Variants in NPFFR2 observed in about 807,000 individuals in gnomAD.
NPFFR2 encodes the protein neuropeptide FF receptor 2, also known as G-protein coupled receptor 74.
A neutral mutation model predicts 13.1 loss-of-function variants in NPFFR2; 15 were observed. The observed-to-expected ratio is 1.15, with a 90% CI of 0.77 to 1.76. The LOEUF (loss-of-function observed/expected upper bound fraction) is 1.76. NPFFR2 is among the 40% of genes most tolerant of loss of function. NPFFR2 has a pLI of 0.00. For synonymous variants in NPFFR2, 190 were observed against 175.7 expected (o/e 1.08, Z -0.65); for missense variants, 572 against 503.5 (o/e 1.14, Z -1.30).
chr4:72,045,464 T>G (rs1476141196), intron 1 of NPFFR2, among the ~76,000 whole-genome samples: 1 of 152,224 alleles, frequency 6.6e-6, no homozygotes, highest in Non-Finnish European at 1.5e-5. Context: ...AATAGTGTGA[T>G]ACTTTTGCCT....
At chr4:72,040,690 A>G (rs1719183171) in intron 1 of NPFFR2, among the ~76,000 whole-genome samples, 1 of 152,044 alleles carries the variant, frequency 6.6e-6, no homozygotes, top group Admixed American at 6.6e-5. Context: ...TTTTTACCAA[A>G]CGAACTGTTT....
At chr4:72,035,442 G>C (rs1249180384) in intron 1 of NPFFR2, among the ~76,000 whole-genome samples, 1 of 152,228 alleles carries the variant, frequency 6.6e-6, no homozygotes, top group Non-Finnish European at 1.5e-5. Flanking sequence ...GGAAAAGAGA[G>C]GGCCAGAGCC....
At chr4:72,146,952 T>G (rs1218362786) in intron 3 of NPFFR2, 26 bp from the exon 4 acceptor site, 1 of 1,504,336 alleles carries the variant, frequency 6.6e-7, no homozygotes, top group Non-Finnish European at 9.2e-7. Context: ...AAGCAGTGCC[T>G]CATTTATATT....
At chr4:72,081,856 T>C (rs1720633646) in intron 1 of NPFFR2, among the ~76,000 whole-genome samples, 1 of 152,088 alleles carries the variant, frequency 6.6e-6, no homozygotes, top group Non-Finnish European at 1.5e-5. Flanking sequence ...AGGTTTAGAG[T>C]CCAGTGAACA....
chr4:72,062,344 A>T (rs1451447981), intron 1 of NPFFR2, among the ~76,000 whole-genome samples: 1 of 152,164 alleles, frequency 6.6e-6, no homozygotes, highest in African/African-American at 2.4e-5. Context: ...GTCCATAAAT[A>T]ATTAAGATGC....
chr4:72,142,888 G>A (rs912328622), intron 3 of NPFFR2, among the ~76,000 whole-genome samples: 2 of 152,182 alleles, frequency 1.3e-5, no homozygotes, highest in Non-Finnish European at 2.9e-5. Flanking sequence ...CCTCAGGAAG[G>A]CTACAATCTG....
intron 1 of NPFFR2, among the ~76,000 whole-genome samples, chr4:72,075,111 C>T (rs896269855): frequency 3.9e-5 from 6 of 152,098 alleles, no homozygotes; most frequent in African/African-American, 1.2e-4. Flanking sequence ...CTGAGGAAGG[C>T]AGACCCACAC....
chr4:72,101,910 C>A (rs116453197), intron 1 of NPFFR2, among the ~76,000 whole-genome samples: 1 of 151,832 alleles, frequency 6.6e-6, no homozygotes, highest in Non-Finnish European at 1.5e-5. Flanking sequence ...AATAAACATA[C>A]AAATATTGAA....
At chr4:72,041,980 T>G (rs1719234367) in intron 1 of NPFFR2, among the ~76,000 whole-genome samples, 1 of 152,256 alleles carries the variant, frequency 6.6e-6, no homozygotes, top group Non-Finnish European at 1.5e-5. Flanking sequence ...GCAGAAGCTC[T>G]TTAGTTTAAC....
intron 1 of NPFFR2, among the ~76,000 whole-genome samples, chr4:72,071,988 G>A (rs1002654588): frequency 3.9e-5 from 6 of 152,084 alleles, no homozygotes; most frequent in African/African-American, 1.2e-4. Context: ...CACTGGCTCA[G>A]AAAAGGCCAG....
At position 72,148,112 on chromosome 4, in the gene NPFFR2, A is replaced by G. The variant is rs1722846915; in HGVS notation, c.*300A>G. On this transcript the variant is annotated 3_prime_UTR_variant, in exon 4 of 4. Coordinates refer to ENST00000308744, the MANE Select transcript of NPFFR2 (RefSeq NM_004885.3). Reference sequence around the variant, plus strand: ...AACCATTTGTGTATGCGTCAAATCAAGCCTGCACGCGTGCGTGCATGTGTG... The same window carrying G: ...AACCATTTGTGTATGCGTCAAATCAGGCCTGCACGCGTGCGTGCATGTGTG... 1 of 265,986 alleles carries G rather than the reference A, an allele frequency of 3.8e-6. No individual in the cohort carries two copies. The highest frequency in any genetic ancestry group is 8.0e-5 in the East Asian group (1 of 12,442). 16.5% of individuals were successfully genotyped at this position (265,986 alleles called of 1,614,324 possible). A position where few individuals can be genotyped will look rare whatever the true frequency, so the allele number is the denominator to read the frequency against.
intron 1 of NPFFR2, among the ~76,000 whole-genome samples, chr4:72,117,589 G>A (rs1201414670): frequency 6.7e-6 from 1 of 148,940 alleles, no homozygotes; most frequent in Non-Finnish European, 1.5e-5. Flanking sequence ...CTGCGACATG[G>A]TCTACTTCAT....
At chr4:72,114,198 A>G (rs969496118) in intron 1 of NPFFR2, among the ~76,000 whole-genome samples, 1 of 152,046 alleles carries the variant, frequency 6.6e-6, no homozygotes, top group African/African-American at 2.4e-5. Flanking sequence ...AATTCATTGA[A>G]TTTTTAAAAA....
chr4:72,072,722 A>G (rs1323003467), intron 1 of NPFFR2, among the ~76,000 whole-genome samples: 1 of 152,128 alleles, frequency 6.6e-6, no homozygotes, highest in Non-Finnish European at 1.5e-5. Context: ...GAGAAGTTCA[A>G]TAGATTCTGA....
chr4:72,137,966 C>T, intron 2 of NPFFR2, 74 bp from the exon 3 acceptor site: 1 of 1,186,572 alleles, frequency 8.4e-7, no homozygotes, highest in Non-Finnish European at 1.2e-6. Flanking sequence ...CTCGTTTCCA[C>T]AACTTTCTAT....
At chr4:72,136,047 T>G (rs1722400154) in intron 2 of NPFFR2, among the ~76,000 whole-genome samples, 1 of 152,198 alleles carries the variant, frequency 6.6e-6, no homozygotes, top group Admixed American at 6.5e-5. Context: ...GTAGTCACTC[T>G]GTTGTGCTAT....
At chr4:72,127,864 G>A (rs1722110350) in intron 1 of NPFFR2, among the ~76,000 whole-genome samples, 1 of 151,848 alleles carries the variant, frequency 6.6e-6, no homozygotes, top group Non-Finnish European at 1.5e-5. Flanking sequence ...TGGATCACTC[G>A]AACTCAGGAG....
intron 1 of NPFFR2, among the ~76,000 whole-genome samples, chr4:72,069,812 G>C (rs958535101): frequency 6.6e-6 from 1 of 152,068 alleles, no homozygotes; most frequent in East Asian, 1.9e-4. Flanking sequence ...CTAGTAATAA[G>C]GAAATGTAAA....
chr4:72,081,488 A>ATTT (rs757652179), intron 1 of NPFFR2, among the ~76,000 whole-genome samples: 2 of 81,154 alleles, frequency 2.5e-5, no homozygotes, highest in African/African-American at 3.6e-5. Flanking sequence ...TGATTTAAGA[A>ATTT]TTGTTTTTTT....
Sources: allele counts gnomAD v4.1 joint callset (sites outside exome capture counted in the v4.1 genomes callset), GRCh38; gene constraint gnomAD v4.1.1; transcripts MANE v1.5; gene names NCBI Gene and HGNC (gene_info 2026-07-23, HGNC 2026-07-21).